The following PRELID2 variants were observed in gnomAD, a reference collection of about 807,000 sequenced individuals.
The protein encoded by PRELID2 is PRELI domain-containing protein 2.
Under a neutral mutation model 28.4 loss-of-function variants are expected in PRELID2, and 25 were observed. The ratio of observed to expected loss-of-function variants is 0.88; its 90% CI spans 0.64 to 1.23. PRELID2 has a LOEUF of 1.23. PRELID2 is among the 50% of genes most tolerant of loss of function. The pLI, the probability that PRELID2 is intolerant of heterozygous loss-of-function variation, is 0.00. For synonymous variants in PRELID2, 76 were observed against 71.6 expected (o/e 1.06, Z -0.31); for missense variants, 201 against 214.4 (o/e 0.94, Z 0.39).
chr5:145,575,417 C>T (rs1753052113), intron 1 of PRELID2, among the ~76,000 whole-genome samples: 1 of 152,146 alleles, frequency 6.6e-6, no homozygotes, highest in Non-Finnish European at 1.5e-5. Context: ...AGATTATGTG[C>T]AGGACACCGT....
the PRELID2 span, among the ~76,000 whole-genome samples, chr5:145,426,929 C>T: frequency 2.0e-5 from 3 of 152,288 alleles, no homozygotes; most frequent in South Asian, 4.1e-4. Context: ...ATGGAGGCTT[C>T]CAAAGACAAG....
chr5:145,753,710 A>G (rs774547514), downstream of PRELID2, among the ~76,000 whole-genome samples: 62 of 152,266 alleles, frequency 4.1e-4, no homozygotes, highest in Non-Finnish European at 7.8e-4. Flanking sequence ...AGCAACACTG[A>G]CCAATAAACC....
At chr5:145,557,312 T>C (rs1468756650) in intron 1 of PRELID2, among the ~76,000 whole-genome samples, 1 of 152,168 alleles carries the variant, frequency 6.6e-6, no homozygotes, top group Non-Finnish European at 1.5e-5. Flanking sequence ...AAGGTACTGA[T>C]ATGAATGAGG....
At chr5:145,256,375 T>A in the PRELID2 span, among the ~76,000 whole-genome samples, 3 of 152,064 alleles carry the variant, frequency 2.0e-5, 1 homozygote. Flanking sequence ...TATGTCTGTT[T>A]GACCTCTAAG....
intron 5 of PRELID2, among the ~76,000 whole-genome samples, chr5:145,781,808 C>A (rs1329369101): frequency 6.7e-6 from 1 of 148,600 alleles, no homozygotes; most frequent in Non-Finnish European, 1.5e-5. Context: ...TACAAATACA[C>A]AATTTGTTTT....
At chr5:145,503,977 T>A (rs1752385036) in intron 1 of PRELID2, among the ~76,000 whole-genome samples, 1 of 152,220 alleles carries the variant, frequency 6.6e-6, no homozygotes, top group Admixed American at 6.5e-5. Context: ...GACCAGGCTC[T>A]GTAGTAAGTT....
chr5:145,373,087 TAA>T, the PRELID2 span, among the ~76,000 whole-genome samples: 1 of 57,012 alleles, frequency 1.8e-5, no homozygotes, highest in Non-Finnish European at 2.9e-5. Context: ...ACAACATATA[TAA>T]TATATATGAT....
At chr5:145,781,314 A>T (rs1751571462) in intron 5 of PRELID2, among the ~76,000 whole-genome samples, 1 of 152,156 alleles carries the variant, frequency 6.6e-6, no homozygotes, top group Non-Finnish European at 1.5e-5. Context: ...TGCATCCTTA[A>T]ATGAAATTAC....
intron 1 of PRELID2, among the ~76,000 whole-genome samples, chr5:145,551,870 T>C (rs867096045): frequency 6.6e-6 from 1 of 152,112 alleles, no homozygotes; most frequent in African/African-American, 2.4e-5. Context: ...AGTAGGTGTG[T>C]CTGGCAGGAG....
chr5:145,821,152 G>GGTGTGTGTGTGTGTGTGTGTGTGTGT (rs70998038), intron 2 of PRELID2, among the ~76,000 whole-genome samples: 10,156 of 87,550 alleles, frequency 0.12, 1,535 homozygotes, highest in Non-Finnish European at 0.16. Context: ...AACTCTCCTG[G>GGTGTGTGTGTGTGTGTGTGTGTGTGT]GTGTGTGTGT....
the PRELID2 span, among the ~76,000 whole-genome samples, chr5:145,395,896 T>C: frequency 6.6e-6 from 1 of 152,142 alleles, no homozygotes; most frequent in Non-Finnish European, 1.5e-5. Context: ...TACCTTCTGG[T>C]GCTGACATTC....
the PRELID2 span, among the ~76,000 whole-genome samples, chr5:145,358,834 A>T: frequency 4.6e-5 from 7 of 152,230 alleles, no homozygotes; most frequent in Non-Finnish European, 1.5e-5. Context: ...TTCTGGAATT[A>T]AGTTTAAACT....
chr5:145,824,367 T>C (rs1411531170), intron 1 of PRELID2, among the ~76,000 whole-genome samples: 1 of 151,524 alleles, frequency 6.6e-6, no homozygotes, highest in Non-Finnish European at 1.5e-5. Flanking sequence ...CTTTAAGTTT[T>C]CCGAACCCTA....
chr5:145,235,079 T>C, the PRELID2 span, among the ~76,000 whole-genome samples: 1 of 152,252 alleles, frequency 6.6e-6, no homozygotes, highest in Non-Finnish European at 1.5e-5. Context: ...GAAGTGAAGA[T>C]AGATGCACAA....
the PRELID2 span, among the ~76,000 whole-genome samples, chr5:145,316,785 A>C: frequency 6.6e-6 from 1 of 152,214 alleles, no homozygotes; most frequent in Non-Finnish European, 1.5e-5. Context: ...CAGTTTCTAA[A>C]GCCATTTCAT....
the PRELID2 span, among the ~76,000 whole-genome samples, chr5:145,281,780 T>G: frequency 2.0e-5 from 3 of 152,214 alleles, no homozygotes; most frequent in Non-Finnish European, 4.4e-5. Flanking sequence ...TACAGTAGAA[T>G]AAGCATCCAA....
chr5:145,507,085 A>G (rs778325582), intron 1 of PRELID2, among the ~76,000 whole-genome samples: 22 of 152,216 alleles, frequency 1.4e-4, no homozygotes, highest in Admixed American at 6.5e-5. Context: ...GTAAGGGCTC[A>G]ATAAATCCTT....
intron 1 of PRELID2, among the ~76,000 whole-genome samples, chr5:145,510,710 T>A (rs925168238): frequency 6.6e-6 from 1 of 152,212 alleles, no homozygotes; most frequent in African/African-American, 2.4e-5. Context: ...TGCTTTTCTA[T>A]CTTTTTGCTC....
the PRELID2 span, among the ~76,000 whole-genome samples, chr5:145,413,641 C>CAG: frequency 6.6e-6 from 1 of 151,630 alleles, no homozygotes; most frequent in Non-Finnish European, 1.5e-5. Context: ...CACACACACA[C>CAG]ACACACACAC....
Sources: allele counts gnomAD v4.1 joint callset (sites outside exome capture counted in the v4.1 genomes callset), GRCh38; gene constraint gnomAD v4.1.1; transcripts MANE v1.5; gene names NCBI Gene and HGNC (gene_info 2026-07-23, HGNC 2026-07-21).